The following GTF2F2 variants were observed in gnomAD, a reference collection of about 807,000 sequenced individuals.
GTF2F2 encodes the protein general transcription factor IIF subunit 2, also known as ATP-dependent helicase GTF2F2.
GTF2F2 carries 23 observed loss-of-function variants against 42.2 expected under a neutral mutation model. The ratio of observed to expected loss-of-function variants is 0.55; its 90% CI spans 0.39 to 0.77. The LOEUF (loss-of-function observed/expected upper bound fraction) is 0.77, where lower values mean the gene tolerates loss of function less well. Among genes scored for constraint, GTF2F2 ranks in the 30% least tolerant of loss-of-function variants. GTF2F2 has a pLI of 0.00. For missense variants in GTF2F2, 261 were observed against 287.2 expected (o/e 0.91, Z 0.66); for synonymous variants, 105 against 100.8 (o/e 1.04, Z -0.25).
chr13:45,224,034 TC>T (rs750585444), intron 5 of GTF2F2, among the ~76,000 whole-genome samples: 11 of 152,222 alleles, frequency 7.2e-5, no homozygotes, highest in Non-Finnish European at 1.5e-4. Flanking sequence ...TATCCATACT[TC>T]ATGAAGAGTT....
chr13:45,205,808 G>A (rs964715467), intron 4 of GTF2F2, among the ~76,000 whole-genome samples: 2 of 152,086 alleles, frequency 1.3e-5, no homozygotes, highest in Non-Finnish European at 2.9e-5. Flanking sequence ...GTGAGCCACC[G>A]TGGCCGACCT....
rs567900307 is a variant in GTF2F2, at chr13:45,157,141, G to A, written c.304+5310G>A. The stretch of plus-strand genomic sequence containing the variant: ...CAAAAGGGGTAGCCATGTGGAGTGA[G>A]TTAGCCAGCTAGGAGTTTTTAAGGC... On this transcript the variant is annotated intron_variant, in intron 4 of 7. Coordinates refer to ENST00000340473, the MANE Select transcript of GTF2F2 (RefSeq NM_004128.3). 5.9e-5 allele frequency among the ~76,000 whole-genome samples: 9 copies of A among 152,302 alleles called. No individual in the cohort carries two copies. In the South Asian group the frequency reaches 1.9e-3, roughly 32 times the overall value.
At chr13:45,213,438 C>G (rs1328130692) in intron 5 of GTF2F2, among the ~76,000 whole-genome samples, 1 of 152,142 alleles carries the variant, frequency 6.6e-6, no homozygotes, top group Non-Finnish European at 1.5e-5. Flanking sequence ...TTAAAACCAA[C>G]CCAGCATCAC....
chr13:45,156,683 G>A (rs1451297166), intron 4 of GTF2F2, among the ~76,000 whole-genome samples: 1 of 152,178 alleles, frequency 6.6e-6, no homozygotes, highest in African/African-American at 2.4e-5. Flanking sequence ...GAGGAAATTG[G>A]AAGATTGAGA....
intron 5 of GTF2F2, among the ~76,000 whole-genome samples, chr13:45,250,219 T>C (rs1875822396): frequency 6.6e-6 from 1 of 152,138 alleles, no homozygotes; most frequent in Middle Eastern, 3.4e-3. Flanking sequence ...CATGCCCAGT[T>C]CATTTTTGTA....
intron 2 of GTF2F2, among the ~76,000 whole-genome samples, chr13:45,140,800 A>G (rs1869892320): frequency 6.6e-6 from 1 of 152,168 alleles, no homozygotes; most frequent in African/African-American, 2.4e-5. Context: ...CCAAGATAAA[A>G]TCTCAGGAAT....
chr13:45,173,369 CTGTGTGTGTG>C (rs374858973), intron 4 of GTF2F2, among the ~76,000 whole-genome samples: 6 of 147,340 alleles, frequency 4.1e-5, no homozygotes, highest in South Asian at 2.2e-4. Context: ...TTGTACTTAA[CTGTGTGTGTG>C]TGTGTGTGTG....
intron 4 of GTF2F2, among the ~76,000 whole-genome samples, chr13:45,159,387 G>A (rs912957445): frequency 1.3e-5 from 2 of 152,154 alleles, no homozygotes; most frequent in Non-Finnish European, 2.9e-5. Context: ...AAAGGTAAGC[G>A]TTTTCTTTCT....
In GTF2F2 at chr13:45,168,394, G is replaced by A. The variant is rs187536147; in HGVS notation, c.304+16563G>A. Among the ~76,000 whole-genome samples, 15 of 152,304 alleles carry A rather than the reference G, an allele frequency of 9.8e-5. No homozygotes were observed. The East Asian group carries it at 2.9e-3, about 29-fold the overall frequency. ...TGCCAGGATTTTAACACTCACTTTG[G>A]GAGTGGCGTTCAGCCAATATCTGCC... is the stretch of plus-strand genomic sequence containing the variant. On this transcript the variant is annotated intron_variant, in intron 4 of 7. Transcript: ENST00000340473.
At chr13:45,170,482 G>A (rs745967147) in intron 4 of GTF2F2, among the ~76,000 whole-genome samples, 4 of 152,176 alleles carry the variant, frequency 2.6e-5, no homozygotes, top group Admixed American at 1.3e-4. Flanking sequence ...AGTGATGCAG[G>A]TAATTTATTT....
At chr13:45,265,486 GC>G (rs1876526535) in intron 6 of GTF2F2, among the ~76,000 whole-genome samples, 1 of 152,028 alleles carries the variant, frequency 6.6e-6, no homozygotes, top group South Asian at 2.1e-4. Flanking sequence ...TTAGCGCAAT[GC>G]CTAGCATATA....
chr13:45,283,506 C>T lies in GTF2F2; in HGVS notation c.695C>T (p.Thr232Ile), dbSNP rs201257420. ...AATGTAAAAGGGATCCACAAAAACACATGGGAGCTGAAGCCAGAGTACAGA... is the reference window on the plus strand; with the variant it reads ...AATGTAAAAGGGATCCACAAAAACATATGGGAGCTGAAGCCAGAGTACAGA... ...VQNVKGIHKN[T>I]WELKPEYRHY... Residue 232 changes from threonine (T) to isoleucine (I), a missense_variant, in exon 8 of 8, where the codon ACA becomes ATA. Coordinates refer to ENST00000340473, the MANE Select transcript of GTF2F2 (RefSeq NM_004128.3). 1.2e-6 allele frequency: 2 copies of T among 1,612,310 alleles called. No homozygotes were observed. The highest frequency in any genetic ancestry group is 1.7e-6 in the Non-Finnish European group (2 of 1,178,740).
At chr13:45,171,778 C>T (rs1871610604) in intron 4 of GTF2F2, among the ~76,000 whole-genome samples, 3 of 152,254 alleles carry the variant, frequency 2.0e-5, no homozygotes, top group African/African-American at 7.2e-5. Context: ...CAACCTCCCA[C>T]GCCATAGTCT....
intron 5 of GTF2F2, chr13:45,220,851 T>G (rs1224802936): frequency 3.3e-5 from 5 of 152,174 alleles, no homozygotes; most frequent in Non-Finnish European, 5.9e-5. Context: ...TTACTGACCT[T>G]AGTCATCTTT....
chr13:45,274,849 T>C (rs1348564283), intron 7 of GTF2F2, among the ~76,000 whole-genome samples: 3 of 151,856 alleles, frequency 2.0e-5, no homozygotes, highest in African/African-American at 7.3e-5. Flanking sequence ...GAGGCAGAGG[T>C]TGTAGTGAGC....
chr13:45,234,848 C>T (rs980613335), intron 5 of GTF2F2, among the ~76,000 whole-genome samples: 1 of 151,942 alleles, frequency 6.6e-6, no homozygotes. Context: ...GAGTTTGAGA[C>T]CAGCCTGACC....
chr13:45,251,810 C>T (rs988394923), intron 5 of GTF2F2, among the ~76,000 whole-genome samples: 4 of 152,076 alleles, frequency 2.6e-5, no homozygotes, highest in Non-Finnish European at 4.4e-5. Context: ...TGTAATCTAA[C>T]TAGATATGTT....
chr13:45,141,642 C>T (rs900471339), intron 2 of GTF2F2, among the ~76,000 whole-genome samples: 1 of 152,136 alleles, frequency 6.6e-6, no homozygotes, highest in African/African-American at 2.4e-5. Flanking sequence ...ACCAAAGTTC[C>T]TTACAAATAC....
intron 5 of GTF2F2, among the ~76,000 whole-genome samples, chr13:45,227,384 A>G (rs751874465): frequency 1.3e-5 from 2 of 152,230 alleles, no homozygotes; most frequent in Non-Finnish European, 2.9e-5. Flanking sequence ...GTTTATCCAC[A>G]GGGAGAGCAA....
Sources: gnomAD v4.1 joint callset for allele counts (sites outside exome capture counted in the v4.1 genomes callset) on GRCh38, gnomAD v4.1.1 for gene constraint, MANE v1.5 for transcripts, NCBI Gene and HGNC (gene_info 2026-07-23, HGNC 2026-07-21) for gene names.